The following KCNH3 variants were observed in gnomAD, a reference collection of about 807,000 sequenced individuals.
KCNH3 encodes the protein potassium voltage-gated channel subfamily H member 3, also known as voltage-gated inwardly rectifying potassium channel KCNH3.
KCNH3 carries 36 observed loss-of-function variants against 95.6 expected under a neutral mutation model. The ratio of observed to expected loss-of-function variants is 0.38; its 90% confidence interval spans 0.29 to 0.50. The LOEUF (loss-of-function observed/expected upper bound fraction) is 0.50, where lower values mean the gene tolerates loss of function less well. Ranked by LOEUF, KCNH3 falls within the 20% of genes least tolerant of loss-of-function variation. KCNH3 has a pLI of 0.95. For missense variants in KCNH3, 1,030 were observed against 1,484.1 expected (o/e 0.69, Z 5.03); for synonymous variants, 620 against 646.3 (o/e 0.96, Z 0.62).
At chr12:49,550,439 A>G in intron 10 of KCNH3, 110 bp downstream of exon 10, 1 of 1,362,126 alleles carries the variant, frequency 7.3e-7, no homozygotes, top group Non-Finnish European at 9.9e-7. Context: ...AGAGAGAAAC[A>G]GCCAGGGTGG....
intron 8 of KCNH3, 117 bp from the exon 9 acceptor site, chr12:49,549,324 C>T (rs1354133207): frequency 8.9e-6 from 13 of 1,462,308 alleles, no homozygotes; most frequent in Non-Finnish European, 1.2e-5. Context: ...AGACTTCGCC[C>T]GCACAGCGGC....
intron 9 of KCNH3, 28 bp downstream of exon 9, chr12:49,549,668 G>A (rs1454862062): frequency 3.1e-6 from 5 of 1,592,140 alleles, no homozygotes; most frequent in Non-Finnish European, 4.3e-6. Context: ...GGGCCTGCTA[G>A]CCTTTGCTCC....
chr12:49,539,579 T>C lies in KCNH3; in HGVS notation c.76+87T>C, dbSNP rs1937799095. 1.1e-5 allele frequency: 13 copies of C among 1,222,512 alleles called. No homozygotes were observed. The highest frequency in any genetic ancestry group is 1.5e-5 in the Non-Finnish European group (13 of 870,292). 75.7% of individuals were successfully genotyped at this position (1,222,512 alleles called of 1,614,324 possible). On this transcript the variant is annotated intron_variant, in intron 1 of 14. Coordinates refer to ENST00000257981, the MANE Select transcript of KCNH3 (RefSeq NM_012284.3). The surrounding 1 kb of genome is among the most constrained non-coding windows in gnomAD (Gnocchi z 6.7). ...TCCCCGAACCCCCAGCAGCCCAGCTTGGCGCCAGCCTATTCTCACCCTCTC... is the reference window on the plus strand; with the variant it reads ...TCCCCGAACCCCCAGCAGCCCAGCTCGGCGCCAGCCTATTCTCACCCTCTC...
Position 49,554,464 on chromosome 12 carries a change from T to C in KCNH3, c.2046T>C (p.Leu682=), listed in dbSNP as rs151103405. 2.1e-3 allele frequency: 3,350 copies of C among 1,613,634 alleles called. 33 individuals carry two copies. The highest frequency in any genetic ancestry group is 0.012 in the South Asian group (1,097 of 91,090). The part of the protein sequence containing the change: ...CLQLAGLHDS[L]ALYPEFAPRF... Reference sequence around the variant, plus strand: ...AGCTGGCTGGCCTGCACGACAGCCTTGCGCTGTACCCCGAGTTTGCCCCGC... The same window carrying C: ...AGCTGGCTGGCCTGCACGACAGCCTCGCGCTGTACCCCGAGTTTGCCCCGC... The change falls in exon 11 of 15, where the codon CTT becomes CTC. Residue 682 remains leucine (L), a synonymous_variant. Transcript: ENST00000257981.
In KCNH3 at chr12:49,549,628, C is replaced by G; in HGVS notation, c.1656C>G (p.Ile552Met). The change falls in exon 9 of 15, where the codon ATC (isoleucine) becomes ATG (methionine). Residue 552 changes from isoleucine (I) to methionine (M), a missense_variant. By Grantham distance (10) the Ile-to-Met change is conservative. Transcript: ENST00000257981. ...FQATWAVNNGIDTTELLQSLP... is the reference protein window; with the variant it reads ...FQATWAVNNGMDTTELLQSLP... ...CCACCTGGGCGGTGAACAATGGCAT[C>G]GACACCACCGAGGTGCGGCCTCCGG... 1 of 1,609,064 alleles carries G rather than the reference C, an allele frequency of 6.2e-7. No homozygotes were observed. The highest frequency in any genetic ancestry group is 2.2e-5 in the East Asian group (1 of 44,870).
chr12:49,557,929 C>T lies in KCNH3; in HGVS notation c.3228C>T (p.Thr1076=). The T allele has an allele frequency of 1.3e-6, 2 of 1,508,580 alleles. No homozygotes were observed. Among genetic ancestry groups the T allele is most frequent in the South Asian group, 2.7e-5 (2 of 73,922 alleles). 93.4% of individuals were successfully genotyped at this position (1,508,580 alleles called of 1,614,324 possible). A position where few individuals can be genotyped will look rare whatever the true frequency, so the allele number is the denominator to read the frequency against. The part of the protein sequence containing the change: ...GCHGSGTVQW[T]QEEGTGV ...ATGGCTCTGGCACAGTCCAGTGGAC[C>T]CAGGAAGAAGGCACAGGGGTCTGAG... Residue 1076 remains threonine, a synonymous_variant, in exon 15 of 15, where the codon ACC becomes ACT. Coordinates refer to ENST00000257981, the MANE Select transcript of KCNH3 (RefSeq NM_012284.3).
At chr12:49,553,021 C>G (rs1938316109) in intron 10 of KCNH3, among the ~76,000 whole-genome samples, 1 of 152,196 alleles carries the variant, frequency 6.6e-6, no homozygotes, top group African/African-American at 2.4e-5. Flanking sequence ...TAGTCCATAG[C>G]AGGGCCATCC....
Position 49,542,910 on chromosome 12 carries a change from C to G in KCNH3, c.579+71C>G. On this transcript the variant is annotated intron_variant, in intron 4 of 14. Coordinates refer to ENST00000257981, the MANE Select transcript of KCNH3 (RefSeq NM_012284.3). ...AGAAGATGGGGAAGGGGAACCTGAT[C>G]TACCACAGAGAGAATGTCCTAGGGG... The G allele has an allele frequency of 2.6e-6, 4 of 1,553,220 alleles. No homozygotes were observed. In the South Asian group the frequency reaches 4.8e-5, roughly 19 times the overall value.
chr12:49,550,043 T>TTGGCCCCCCC, intron 9 of KCNH3, 37 bp from the exon 10 acceptor site: 1 of 1,299,542 alleles, frequency 7.7e-7, no homozygotes, highest in Non-Finnish European at 1.1e-6. Context: ...CTTCTGCCAC[T>TTGGCCCCCCC]CCCAACCCCC....
rs2138176699 is a variant in KCNH3 at position 49,558,298 on chromosome 12, C to T, written c.*345C>T. 1 of 397,564 alleles carries T rather than the reference C, an allele frequency of 2.5e-6. No individual in the cohort carries two copies. Among genetic ancestry groups the T allele is most frequent in the Non-Finnish European group, 4.4e-6 (1 of 226,370 alleles). The allele number at this position is 397,564 out of a possible 1,614,324, so 24.6% of individuals were successfully genotyped here. The stretch of plus-strand genomic sequence containing the variant: ...TATTAAAAAAAAAAAATAAAATAAA[C>T]TACTTTGGAACCTGGTGCTTTTTAT... On this transcript the variant is annotated 3_prime_UTR_variant, in exon 15 of 15. Coordinates refer to ENST00000257981, the MANE Select transcript of KCNH3 (RefSeq NM_012284.3).
Position 49,557,722 on chromosome 12 carries a change from C to A in KCNH3, c.3021C>A (p.Asp1007Glu), listed in dbSNP as rs1269474582. ...TSDSEPPASG[D>E]LCSEPSTPAS... is the part of the protein sequence containing the mutation. ...ACTCAGAGCCCCCTGCCTCAGGAGA[C>A]CTCTGCTCTGAGCCCAGCACCCCTG... Residue 1007 changes from aspartate to glutamate, a missense_variant, in exon 15 of 15, where the codon GAC (aspartate) becomes GAA (glutamate). Around this residue, in one of 9 missense-constraint regions of KCNH3, gnomAD observed 464 missense variants for 493.2 expected, o/e 0.94. Coordinates refer to ENST00000257981, the MANE Select transcript of KCNH3 (RefSeq NM_012284.3). 1.2e-6 allele frequency: 2 copies of A among 1,613,738 alleles called. No individual in the cohort carries two copies. Among genetic ancestry groups the A allele is most frequent in the Admixed American group, 3.3e-5 (2 of 60,022 alleles).
chr12:49,542,904 C>A, intron 4 of KCNH3, 65 bp downstream of exon 4: 2 of 1,562,338 alleles, frequency 1.3e-6, no homozygotes, highest in Non-Finnish European at 1.7e-6. Flanking sequence ...GGAAGGGGAA[C>A]CTGATCTACC....
Position 49,544,345 on chromosome 12 carries a change from GGAGATC to G in KCNH3, c.1157_1162del (p.Ile386_Glu387del). The G allele has an allele frequency of 6.2e-7, 1 of 1,613,638 alleles. No individual in the cohort carries two copies. Among genetic ancestry groups the G allele is most frequent in the South Asian group, 1.1e-5 (1 of 91,082 alleles). ...GCGTCTGGTTTTACATTGGCCAGCGGGAGATCGAGAGCAGCGAATCCGAGCTGCCTG... is the reference window on the plus strand; with the variant it reads ...GCGTCTGGTTTTACATTGGCCAGCGGGAGAGCAGCGAATCCGAGCTGCCTG... On this transcript the variant is annotated inframe_deletion, in exon 7 of 15. Transcript: ENST00000257981.
Position 49,550,273 on chromosome 12 carries a change from TTGTC to T in KCNH3, c.1865_1868del (p.Val622AlafsTer17). ...GGCGATGCCCTGCAGGCCCTCTACTTTGTCTGCTCTGGCTCCATGGAGGTGCTCA... is the reference window on the plus strand; with the variant it reads ...GGCGATGCCCTGCAGGCCCTCTACTTTGCTCTGGCTCCATGGAGGTGCTCA... On this transcript the variant is annotated frameshift_variant, in exon 10 of 15. Transcript: ENST00000257981. LOFTEE classifies it high-confidence loss of function. The T allele has an allele frequency of 6.2e-7, 1 of 1,610,098 alleles. No homozygotes were observed. Among genetic ancestry groups the T allele is most frequent in the Non-Finnish European group, 8.5e-7 (1 of 1,179,872 alleles).
At position 49,549,602 on chromosome 12, in the gene KCNH3, G is replaced by T; in HGVS notation, c.1630G>T (p.Ala544Ser). The change falls in exon 9 of 15, where the codon GCC becomes TCC. Residue 544 changes from alanine to serine, a missense_variant. Coordinates refer to ENST00000257981, the MANE Select transcript of KCNH3 (RefSeq NM_012284.3). ...LKQRMLEYFQ[A>S]TWAVNNGIDT... ...GCAGCGCATGCTGGAGTACTTCCAG[G>T]CCACCTGGGCGGTGAACAATGGCAT... 6.2e-7 allele frequency: 1 copy of T among 1,611,874 alleles called. No individual in the cohort carries two copies.
chr12:49,552,432 G>A (rs1386591985), intron 10 of KCNH3, among the ~76,000 whole-genome samples: 1 of 152,182 alleles, frequency 6.6e-6, no homozygotes, highest in African/African-American at 2.4e-5. Flanking sequence ...ATATGTTTTG[G>A]GTGAACTACT....
chr12:49,557,417 G>A lies in KCNH3; in HGVS notation c.2716G>A (p.Val906Met), dbSNP rs768702470. 1.2e-6 allele frequency: 2 copies of A among 1,603,148 alleles called. No individual in the cohort carries two copies. Among genetic ancestry groups the A allele is most frequent in the Non-Finnish European group, 1.7e-6 (2 of 1,173,106 alleles). Residue 906 changes from valine (V) to methionine (M), a missense_variant, in exon 15 of 15, where the codon GTG becomes ATG. Coordinates refer to ENST00000257981, the MANE Select transcript of KCNH3 (RefSeq NM_012284.3). Reference sequence around the variant, plus strand: ...AGGACTGCAGTCACTTCGCCAGGCTGTGCAGCTTGTCCTGGCGCCCCACAG... The same window carrying A: ...AGGACTGCAGTCACTTCGCCAGGCTATGCAGCTTGTCCTGGCGCCCCACAG... ...REGLQSLRQA[V>M]QLVLAPHREG... is the part of the protein sequence containing the mutation.
rs755108916 is a variant in KCNH3, at chr12:49,544,266, T to C, written c.1073T>C (p.Val358Ala). 8 of 1,608,906 alleles carry C rather than the reference T, an allele frequency of 5.0e-6. No individual in the cohort carries two copies. Among genetic ancestry groups the C allele is most frequent in the Non-Finnish European group, 6.8e-6 (8 of 1,178,876 alleles). ...RLDRYSQYSA[V>A]VLTLLMAVFA... ...GACCGGTACTCGCAGTACAGCGCCG[T>C]GGTGCTGACACTGCTCATGGCCGTG... The change falls in exon 7 of 15, where the codon GTG becomes GCG. Residue 358 changes from valine (V) to alanine (A), a missense_variant. By Grantham distance (64) the Val-to-Ala change is moderately conservative (BLOSUM62 0). Around this residue, in one of 9 missense-constraint regions of KCNH3, gnomAD observed 153 missense variants for 288.5 expected, o/e 0.53. Coordinates refer to ENST00000257981, the MANE Select transcript of KCNH3 (RefSeq NM_012284.3).
intron 7 of KCNH3, 97 bp downstream of exon 7, chr12:49,544,479 C>G: frequency 8.4e-7 from 1 of 1,197,380 alleles, no homozygotes; most frequent in Non-Finnish European, 1.2e-6. Flanking sequence ...CCTACCTGTG[C>G]AAGTCTGCAC....
Sources: allele counts gnomAD v4.1 joint callset (sites outside exome capture counted in the v4.1 genomes callset), GRCh38; gene constraint gnomAD v4.1.1; regional missense constraint gnomAD v4.1.1; non-coding constraint Gnocchi (gnomAD v3.1); transcripts MANE v1.5; gene names NCBI Gene and HGNC (gene_info 2026-07-23, HGNC 2026-07-21).